The following IL17RD variants were observed in gnomAD, a reference collection of about 807,000 sequenced individuals.
IL17RD encodes interleukin-17 receptor D.
IL17RD carries 52 observed loss-of-function variants against 80.5 expected under a neutral mutation model. That is an observed-to-expected ratio of 0.65 (90% CI 0.52 to 0.81). The LOEUF (loss-of-function observed/expected upper bound fraction) is 0.81, where lower values mean the gene tolerates loss of function less well. IL17RD is among the 40% of genes least tolerant of loss of function. The pLI is 0.00. For missense variants in IL17RD, 1,024 were observed against 955.1 expected, an observed-to-expected ratio of 1.07 and a Z score of -0.95; for synonymous variants, 416 against 391.8, an observed-to-expected ratio of 1.06 and a Z score of -0.73.
chr3:57,114,421 G>C (rs1707166092), intron 3 of IL17RD, among the ~76,000 whole-genome samples: 1 of 152,162 alleles, frequency 6.6e-6, no homozygotes, highest in Non-Finnish European at 1.5e-5. Flanking sequence ...CAGAGGCCAA[G>C]ACATCAGTGC....
chr3:57,108,509 CTTTTTTT>C (rs34594516), intron 5 of IL17RD, among the ~76,000 whole-genome samples: 1 of 49,164 alleles, frequency 2.0e-5, no homozygotes. Context: ...TGATACATGG[CTTTTTTT>C]TTTTTTTTTT....
At chr3:57,113,865 T>G (rs536870294) in intron 3 of IL17RD, among the ~76,000 whole-genome samples, 8 of 152,102 alleles carry the variant, frequency 5.3e-5, no homozygotes, top group African/African-American at 1.9e-4. Context: ...TTCTTTTCCA[T>G]TTGGTTTTTT....
Position 57,097,651 on chromosome 3 carries a change from C to G in IL17RD, c.2052G>C (p.Thr684=). ...TCAGGGAAGACGTTTCTGTCTGGTC[C>G]GTCGAGAGTCCTTCCATCAGTGGCA... is the stretch of plus-strand genomic sequence containing the variant. ...LSLPLMEGLS[T]DQTETSSLTE... is the part of the protein sequence containing the mutation. The change falls in exon 12 of 13, where the codon ACG becomes ACC. Residue 684 remains threonine, a synonymous_variant. Coordinates refer to ENST00000296318, the MANE Select transcript of IL17RD (RefSeq NM_017563.5). 6.3e-7 allele frequency: 1 copy of G among 1,599,214 alleles called. No homozygotes were observed. Among genetic ancestry groups the G allele is most frequent in the East Asian group, 2.3e-5 (1 of 44,288 alleles).
At chr3:57,154,462 A>G (rs1325878653) in intron 1 of IL17RD, among the ~76,000 whole-genome samples, 3 of 151,948 alleles carry the variant, frequency 2.0e-5, no homozygotes, top group Non-Finnish European at 4.4e-5. Flanking sequence ...ATGAGATAAA[A>G]GCAATGATTA....
chr3:57,146,290 T>G (rs546581404), intron 1 of IL17RD, among the ~76,000 whole-genome samples: 1 of 152,268 alleles, frequency 6.6e-6, no homozygotes, highest in East Asian at 1.9e-4. Context: ...TCCCTAACAC[T>G]CTCTACTAAG....
At chr3:57,135,967 G>C (rs1002380522) in intron 1 of IL17RD, among the ~76,000 whole-genome samples, 5 of 152,198 alleles carry the variant, frequency 3.3e-5, no homozygotes, top group African/African-American at 1.2e-4. Context: ...CCTAAACGCT[G>C]TTCTGCAGGG....
rs927728984 is a variant in IL17RD, at chr3:57,095,425, T to G, written c.*968A>C. ...GTCAAAACCAGTTCAGCAGATTAACTGGCCATCACCTCCACACACTGCTGT... is the reference window on the plus strand; with the variant it reads ...GTCAAAACCAGTTCAGCAGATTAACGGGCCATCACCTCCACACACTGCTGT... On this transcript the variant is annotated 3_prime_UTR_variant, in exon 13 of 13. Coordinates refer to ENST00000296318, the MANE Select transcript of IL17RD (RefSeq NM_017563.5). The G allele has an allele frequency of 6.6e-6, 1 of 152,250 alleles. No individual in the cohort carries two copies. The highest frequency in any genetic ancestry group is 1.5e-5 in the Non-Finnish European group (1 of 68,050). The allele number at this position is 152,250 out of a possible 1,614,324, so 9.4% of individuals were successfully genotyped here.
At chr3:57,163,780 T>TGGGGCGGG (rs1465778903) in intron 1 of IL17RD, among the ~76,000 whole-genome samples, 2 of 9,566 alleles carry the variant, frequency 2.1e-4, no homozygotes, top group Non-Finnish European at 4.1e-4. Context: ...CAGAGCCTAA[T>TGGGGCGGG]GGGGCGGGGG....
intron 1 of IL17RD, chr3:57,142,500 G>A (rs1015786347): frequency 1.4e-5 from 18 of 1,288,080 alleles, no homozygotes; most frequent in South Asian, 9.9e-5. Flanking sequence ...GCAGAAGCGC[G>A]TGGCATCCCT....
At chr3:57,120,212 G>A (rs764484832) in intron 2 of IL17RD, 44 bp downstream of exon 2, 4 of 1,440,082 alleles carry the variant, frequency 2.8e-6, no homozygotes, top group Non-Finnish European at 3.9e-6. Flanking sequence ...ATCTCTAGAT[G>A]ACTCAAAGGG....
At chr3:57,112,755 T>C (rs1707127648) in intron 3 of IL17RD, among the ~76,000 whole-genome samples, 5 of 152,226 alleles carry the variant, frequency 3.3e-5, no homozygotes, top group Admixed American at 3.3e-4. Context: ...GGGTCTGCTT[T>C]ATCCTCCCTC....
rs562567744 is a variant in IL17RD at position 57,133,637 on chromosome 3, G to A, written c.127-13324C>T. Among the ~76,000 whole-genome samples, 5 of 152,352 alleles carry A rather than the reference G, an allele frequency of 3.3e-5. No homozygotes were observed. In the South Asian group the frequency reaches 1.0e-3, roughly 32 times the overall value. On this transcript the variant is annotated intron_variant, in intron 1 of 12. Coordinates refer to ENST00000296318, the MANE Select transcript of IL17RD (RefSeq NM_017563.5). ...GTCTTTTTTGTGGGTGAAGAAGGCAGTGGGGTGTTCCCAGGAATTAAGGTC... is the reference window on the plus strand; with the variant it reads ...GTCTTTTTTGTGGGTGAAGAAGGCAATGGGGTGTTCCCAGGAATTAAGGTC...
At position 57,162,994 on chromosome 3, in the gene IL17RD, G is replaced by A. The variant is rs1425400580; in HGVS notation, c.126+2167C>T. Among the ~76,000 whole-genome samples, 4 of 152,190 alleles carry A rather than the reference G, an allele frequency of 2.6e-5. No homozygotes were observed. The East Asian group carries it at 7.7e-4, about 29-fold the overall frequency. On this transcript the variant is annotated intron_variant, in intron 1 of 12. Transcript: ENST00000296318. The stretch of plus-strand genomic sequence containing the variant: ...CAAGGGAGGAAAAGGCATCCTGGGA[G>A]GAGGGAAAAGCATGTCTTGGAAGCA...
intron 1 of IL17RD, among the ~76,000 whole-genome samples, chr3:57,156,416 T>A (rs547497105): frequency 6.6e-6 from 1 of 152,098 alleles, no homozygotes; most frequent in African/African-American, 2.4e-5. Context: ...ATGTAAAAAA[T>A]TAGCCAGACT....
intron 1 of IL17RD, among the ~76,000 whole-genome samples, chr3:57,137,128 A>T (rs905332924): frequency 6.6e-6 from 1 of 152,226 alleles, no homozygotes; most frequent in Admixed American, 6.5e-5. Context: ...TGCCCAACAC[A>T]TGGTAAGCAT....
chr3:57,134,513 G>T (rs573966356), intron 1 of IL17RD: 1 of 1,290,816 alleles, frequency 7.7e-7, no homozygotes, highest in East Asian at 2.3e-5. Flanking sequence ...TGTACCTGAA[G>T]GTGAAGGGGA....
intron 11 of IL17RD, among the ~76,000 whole-genome samples, chr3:57,100,558 G>A (rs558609494): frequency 6.6e-6 from 1 of 152,204 alleles, no homozygotes; most frequent in South Asian, 2.1e-4. Flanking sequence ...TTGTTTTCTG[G>A]GAGTGCTCCC....
chr3:57,101,755 G>C (rs999767488), intron 10 of IL17RD, among the ~76,000 whole-genome samples: 1 of 151,762 alleles, frequency 6.6e-6, no homozygotes, highest in African/African-American at 2.4e-5. Context: ...ATTTACAAAA[G>C]TAAAGTACAT....
At chr3:57,165,133 G>T in intron 1 of IL17RD, 28 bp downstream of exon 1, 1 of 1,501,492 alleles carries the variant, frequency 6.7e-7, no homozygotes, top group Non-Finnish European at 8.9e-7. Flanking sequence ...AGTTGGCGAC[G>T]GCAAGAAACC....
Sources: allele counts gnomAD v4.1 joint callset (sites outside exome capture counted in the v4.1 genomes callset), GRCh38; gene constraint gnomAD v4.1.1; transcripts MANE v1.5; gene names NCBI Gene and HGNC (gene_info 2026-07-23, HGNC 2026-07-21).